NKAIN3: variants seen among roughly 807,000 people sequenced by gnomAD.
NKAIN3 encodes sodium/potassium-transporting ATPase subunit beta-1-interacting protein 3.
In NKAIN3, 25 loss-of-function variants were observed where a neutral mutation model predicts 30.2. The ratio of observed to expected loss-of-function variants is 0.83; its 90% CI spans 0.60 to 1.16. The LOEUF is 1.16. Among genes scored for constraint, NKAIN3 ranks in the 50% most tolerant of loss-of-function variants. The pLI is 0.00. For synonymous variants in NKAIN3, 91 were observed against 89.6 expected (o/e 1.02, Z -0.09); for missense variants, 225 against 254.1 (o/e 0.89, Z 0.78).
At chr8:62,285,106 C>T (rs1308852262) in intron 1 of NKAIN3, among the ~76,000 whole-genome samples, 1 of 152,072 alleles carries the variant, frequency 6.6e-6, no homozygotes, top group Non-Finnish European at 1.5e-5. Context: ...ATCATAAAAC[C>T]AATCCTTTAA....
chr8:62,311,355 A>T (rs950268715), intron 1 of NKAIN3, among the ~76,000 whole-genome samples: 1 of 150,434 alleles, frequency 6.6e-6, no homozygotes, highest in African/African-American at 2.5e-5. Flanking sequence ...CTTCCAAAAG[A>T]CATGGCCTCA....
intron 4 of NKAIN3, among the ~76,000 whole-genome samples, chr8:62,806,100 T>A (rs1157880918): frequency 6.6e-6 from 1 of 152,046 alleles, no homozygotes; most frequent in Non-Finnish European, 1.5e-5. Context: ...AAAACCACAA[T>A]GAGATATCAT....
At chr8:62,942,804 G>C (rs1353346206) in intron 5 of NKAIN3, among the ~76,000 whole-genome samples, 1 of 152,114 alleles carries the variant, frequency 6.6e-6, no homozygotes, top group Non-Finnish European at 1.5e-5. Flanking sequence ...TCGACAAATG[G>C]TGCTGGGATA....
intron 3 of NKAIN3, among the ~76,000 whole-genome samples, chr8:62,605,221 G>C (rs1586000225): frequency 6.6e-6 from 1 of 152,188 alleles, no homozygotes; most frequent in African/African-American, 2.4e-5. Flanking sequence ...AGAAGGGGCT[G>C]TATTCCTTTT....
At chr8:62,605,373 G>A (rs1238154591) in intron 3 of NKAIN3, among the ~76,000 whole-genome samples, 1 of 152,052 alleles carries the variant, frequency 6.6e-6, no homozygotes, top group East Asian at 1.9e-4. Context: ...ATTAGAAAAT[G>A]TGTTCAAGCC....
chr8:62,860,419 A>C (rs1820205368), intron 4 of NKAIN3, among the ~76,000 whole-genome samples: 1 of 152,196 alleles, frequency 6.6e-6, no homozygotes, highest in African/African-American at 2.4e-5. Flanking sequence ...GATTAATGAC[A>C]TTGTGTATAC....
chr8:62,274,240 A>G (rs1483253565), intron 1 of NKAIN3, among the ~76,000 whole-genome samples: 1 of 137,516 alleles, frequency 7.3e-6, no homozygotes, highest in African/African-American at 2.7e-5. Flanking sequence ...TTCTGGAACC[A>G]AACTGCATCC....
At chr8:62,876,763 T>C (rs966170377) in intron 4 of NKAIN3, among the ~76,000 whole-genome samples, 4 of 151,720 alleles carry the variant, frequency 2.6e-5, no homozygotes, top group South Asian at 2.1e-4. Flanking sequence ...AGTTGAACAT[T>C]GAGAACTCAT....
chr8:62,290,174 C>G (rs1813540038), intron 1 of NKAIN3, among the ~76,000 whole-genome samples: 2 of 152,174 alleles, frequency 1.3e-5, no homozygotes, highest in African/African-American at 4.8e-5. Flanking sequence ...AATATACAAT[C>G]ATGTCATCTG....
chr8:62,644,220 G>A (rs1285144565), intron 3 of NKAIN3, among the ~76,000 whole-genome samples: 1 of 152,050 alleles, frequency 6.6e-6, no homozygotes, highest in African/African-American at 2.4e-5. Flanking sequence ...CACTGCTCCT[G>A]CTGCTACTAG....
At chr8:62,783,805 G>A (rs764245850) in intron 4 of NKAIN3, among the ~76,000 whole-genome samples, 4 of 151,612 alleles carry the variant, frequency 2.6e-5, no homozygotes, top group Non-Finnish European at 5.9e-5. Flanking sequence ...TTATTTTTTT[G>A]TGGAGACCTG....
intron 3 of NKAIN3, among the ~76,000 whole-genome samples, chr8:62,624,723 G>A (rs1429254225): frequency 6.7e-6 from 1 of 149,996 alleles, no homozygotes; most frequent in African/African-American, 2.4e-5. Flanking sequence ...TGCTCCTCTG[G>A]TGTGCTCGTT....
intron 5 of NKAIN3, among the ~76,000 whole-genome samples, chr8:62,950,628 T>C (rs1048849397): frequency 3.3e-5 from 5 of 151,824 alleles, no homozygotes; most frequent in African/African-American, 1.2e-4. Context: ...CAAGTAACAG[T>C]TTAAAAAGAA....
chr8:62,858,789 C>T (rs1820143951), intron 4 of NKAIN3, among the ~76,000 whole-genome samples: 1 of 152,220 alleles, frequency 6.6e-6, no homozygotes, highest in South Asian at 2.1e-4. Flanking sequence ...CTCAGGCAGG[C>T]ACCCTTTTAC....
chr8:62,836,752 C>G (rs1180911875), intron 4 of NKAIN3, among the ~76,000 whole-genome samples: 1 of 152,108 alleles, frequency 6.6e-6, no homozygotes, highest in Non-Finnish European at 1.5e-5. Flanking sequence ...CTCTCAATAT[C>G]TTCTTGAAGT....
intron 5 of NKAIN3, among the ~76,000 whole-genome samples, chr8:62,940,469 C>T (rs1272519983): frequency 1.3e-5 from 2 of 152,106 alleles, no homozygotes; most frequent in Non-Finnish European, 2.9e-5. Context: ...AATAGACATT[C>T]TATTCATAAG....
intron 5 of NKAIN3, among the ~76,000 whole-genome samples, chr8:62,922,173 A>G (rs1822300006): frequency 6.6e-6 from 1 of 152,208 alleles, no homozygotes; most frequent in South Asian, 2.1e-4. Context: ...GACCCTTGCT[A>G]TTATACTTTT....
At chr8:62,961,001 C>T (rs186946721) in intron 6 of NKAIN3, among the ~76,000 whole-genome samples, 8 of 152,186 alleles carry the variant, frequency 5.3e-5, no homozygotes, top group East Asian at 1.9e-4. Flanking sequence ...ACAACCAGGC[C>T]GGGCATGGTG....
At chr8:62,729,024 C>CAAAAAAAAAAA (rs71501600) in intron 3 of NKAIN3, among the ~76,000 whole-genome samples, 1 of 16,448 alleles carries the variant, frequency 6.1e-5, no homozygotes, top group African/African-American at 2.1e-4. Context: ...ACAAACAAAC[C>CAAAAAAAAAAA]AAAAAAAAAA....
Sources: allele counts gnomAD v4.1 joint callset (sites outside exome capture counted in the v4.1 genomes callset), GRCh38; gene constraint gnomAD v4.1.1; transcripts MANE v1.5; gene names NCBI Gene and HGNC (gene_info 2026-07-23, HGNC 2026-07-21).